Variants in SYNPR observed in about 807,000 individuals in gnomAD.
The protein encoded by SYNPR is synaptoporin.
In SYNPR, 23 loss-of-function variants were observed where a neutral mutation model predicts 32.9. The ratio of observed to expected loss-of-function variants is 0.70; its 90% CI spans 0.50 to 0.99. The LOEUF is 0.99. Among genes scored for constraint, SYNPR ranks in the 50% least tolerant of loss-of-function variants. The pLI, the probability that SYNPR is intolerant of heterozygous loss-of-function variation, is 0.00. For synonymous variants in SYNPR, 146 were observed against 135.9 expected, an observed-to-expected ratio of 1.07 and a Z score of -0.52; for missense variants, 318 against 349.3, an observed-to-expected ratio of 0.91 and a Z score of 0.71.
chr3:63,468,109 G>C lies in SYNPR; in HGVS notation c.85-12723G>C, dbSNP rs540926247. ...CGTGGGAGGCTGAGGCAGGAGAATTGCTTGAACCCAGGAGGTGGAGGTTGC... is the reference window on the plus strand; with the variant it reads ...CGTGGGAGGCTGAGGCAGGAGAATTCCTTGAACCCAGGAGGTGGAGGTTGC... On this transcript the variant is annotated intron_variant, in intron 2 of 5. Coordinates refer to ENST00000478300, the MANE Select transcript of SYNPR (RefSeq NM_001130003.2). 1.0e-3 allele frequency among the ~76,000 whole-genome samples: 156 copies of C among 149,638 alleles called. 8 individuals carry two copies. The South Asian group carries it at 0.032, about 31-fold the overall frequency.
intron 4 of SYNPR, among the ~76,000 whole-genome samples, chr3:63,594,260 C>G (rs1409582078): frequency 6.6e-6 from 1 of 152,042 alleles, no homozygotes; most frequent in South Asian, 2.1e-4. Context: ...ATGTTGCAAC[C>G]AAAGTTTAGC....
chr3:63,586,097 A>G (rs1051296951), intron 4 of SYNPR, among the ~76,000 whole-genome samples: 4 of 152,102 alleles, frequency 2.6e-5, no homozygotes, highest in African/African-American at 9.7e-5. Context: ...GGTAAAGCAC[A>G]GGATAATTTC....
At chr3:63,307,040 G>A (rs1030104553) in intron 2 of SYNPR, among the ~76,000 whole-genome samples, 27 of 152,014 alleles carry the variant, frequency 1.8e-4, no homozygotes, top group East Asian at 9.7e-4. Context: ...AACATCTCTC[G>A]TTAGTGAGTT....
chr3:63,555,725 C>T (rs1041682043), intron 3 of SYNPR, among the ~76,000 whole-genome samples: 1 of 152,080 alleles, frequency 6.6e-6, no homozygotes, highest in Non-Finnish European at 1.5e-5. Flanking sequence ...ACTATTTACT[C>T]AGTGCCTAAA....
chr3:63,340,660 C>T (rs2087357500), intron 2 of SYNPR, among the ~76,000 whole-genome samples: 1 of 152,010 alleles, frequency 6.6e-6, no homozygotes, highest in South Asian at 2.1e-4. Context: ...ACCTCGTGAT[C>T]TGCCCGCCTC....
chr3:63,497,090 TGAC>T (rs1215363922), intron 3 of SYNPR, among the ~76,000 whole-genome samples: 3 of 152,184 alleles, frequency 2.0e-5, no homozygotes, highest in Non-Finnish European at 4.4e-5. Context: ...TTACCCAATA[TGAC>T]CATCACACAG....
intron 3 of SYNPR, among the ~76,000 whole-genome samples, chr3:63,482,524 G>GT (rs1188431742): frequency 6.6e-6 from 1 of 152,010 alleles, no homozygotes; most frequent in Non-Finnish European, 1.5e-5. Flanking sequence ...ACTCCCCACC[G>GT]TACAGCCCCT....
chr3:63,484,863 G>C (rs147123998), intron 3 of SYNPR, among the ~76,000 whole-genome samples: 1 of 152,100 alleles, frequency 6.6e-6, no homozygotes, highest in African/African-American at 2.4e-5. Context: ...AATTTATCAA[G>C]GACAAAAGTG....
chr3:63,387,831 C>T (rs1194407091), intron 2 of SYNPR, among the ~76,000 whole-genome samples: 2 of 152,124 alleles, frequency 1.3e-5, no homozygotes, highest in African/African-American at 2.4e-5. Flanking sequence ...GGCGGAGGGA[C>T]AAAGCTACTG....
intron 2 of SYNPR, among the ~76,000 whole-genome samples, chr3:63,459,744 G>A (rs1036321109): frequency 1.3e-5 from 2 of 152,010 alleles, no homozygotes; most frequent in African/African-American, 4.8e-5. Context: ...AGGGGCCCCG[G>A]AAAGGAATAT....
At chr3:63,523,781 C>T (rs976282454) in intron 3 of SYNPR, among the ~76,000 whole-genome samples, 3 of 152,076 alleles carry the variant, frequency 2.0e-5, no homozygotes, top group Non-Finnish European at 2.9e-5. Context: ...AATCTATCAC[C>T]CCTGCTCACT....
chr3:63,359,286 T>C (rs1017341339), intron 2 of SYNPR, among the ~76,000 whole-genome samples: 2 of 152,108 alleles, frequency 1.3e-5, no homozygotes, highest in African/African-American at 4.8e-5. Flanking sequence ...AACAGGAGAC[T>C]TTACCTGCAT....
chr3:63,595,717 T>TTATATATA (rs1169780634), intron 4 of SYNPR, among the ~76,000 whole-genome samples: 6 of 17,858 alleles, frequency 3.4e-4, no homozygotes, highest in Non-Finnish European at 6.6e-4. Flanking sequence ...GAATCTTATT[T>TTATATATA]TATATATATA....
intron 3 of SYNPR, among the ~76,000 whole-genome samples, chr3:63,493,595 C>T (rs1701297808): frequency 6.6e-6 from 1 of 151,956 alleles, no homozygotes; most frequent in Admixed American, 6.6e-5. Flanking sequence ...GCAGGTGGAT[C>T]ACTTGAGGTC....
chr3:63,327,827 T>G (rs1249780218), intron 2 of SYNPR, among the ~76,000 whole-genome samples: 1 of 152,136 alleles, frequency 6.6e-6, no homozygotes, highest in African/African-American at 2.4e-5. Context: ...ATATATTATT[T>G]CTTGATCTAG....
At chr3:63,352,175 G>A (rs533879875) in intron 2 of SYNPR, among the ~76,000 whole-genome samples, 9 of 152,254 alleles carry the variant, frequency 5.9e-5, no homozygotes, top group Non-Finnish European at 8.8e-5. Context: ...TAGGAAATGC[G>A]GCCAAAGAGG....
chr3:63,225,676 A>G (rs1276251210), upstream of SYNPR, among the ~76,000 whole-genome samples: 1 of 152,218 alleles, frequency 6.6e-6, no homozygotes, highest in Non-Finnish European at 1.5e-5. Flanking sequence ...ACTAAATGTA[A>G]GGCTTGAAAC....
rs956702069 is a variant in SYNPR at position 63,442,097 on chromosome 3, G to C, written c.85-38735G>C. Among the ~76,000 whole-genome samples the C allele has an allele frequency of 3.3e-5, 5 of 152,150 alleles. No homozygotes were observed. The South Asian group carries it at 8.3e-4, about 25-fold the overall frequency. On this transcript the variant is annotated intron_variant, in intron 2 of 5. Transcript: ENST00000478300. ...TCCCCCTATCCACCAAGTTGTTACT[G>C]TGTGTATAAGAAAAGGAAGAAAGGG...
chr3:63,609,450 C>A, intron 5 of SYNPR, 134 bp downstream of exon 5: 1 of 693,626 alleles, frequency 1.4e-6, no homozygotes, highest in Non-Finnish European at 2.2e-6. Context: ...AGATACTTCA[C>A]CTCAGGTACA....
Sources: gnomAD v4.1 joint callset for allele counts (sites outside exome capture counted in the v4.1 genomes callset) on GRCh38, gnomAD v4.1.1 for gene constraint, MANE v1.5 for transcripts, NCBI Gene and HGNC (gene_info 2026-07-23, HGNC 2026-07-21) for gene names.